EYA4: variants seen among roughly 807,000 people sequenced by gnomAD.
EYA4 encodes the protein EYA transcriptional coactivator and phosphatase 4.
EYA4 carries 31 observed loss-of-function variants against 87.9 expected under a neutral mutation model. The observed-to-expected ratio is 0.35, with a 90% CI of 0.27 to 0.48. The LOEUF (loss-of-function observed/expected upper bound fraction) is 0.48, where lower values mean the gene tolerates loss of function less well. EYA4 is among the 20% of genes least tolerant of loss of function. The pLI, the probability that EYA4 is intolerant of heterozygous loss-of-function variation, is 0.99. For synonymous variants in EYA4, 263 were observed against 270.6 expected, an observed-to-expected ratio of 0.97 and a Z score of 0.28; for missense variants, 678 against 761.4, an observed-to-expected ratio of 0.89 and a Z score of 1.29.
chr6:133,382,592 C>A (rs1221298597), intron 3 of EYA4, 151 bp downstream of exon 3: 2 of 743,714 alleles, frequency 2.7e-6, no homozygotes, highest in South Asian at 2.9e-5. Context: ...TGCTGGCTAG[C>A]GTACCACTAC....
At chr6:133,399,749 T>A (rs1456073276) in intron 3 of EYA4, among the ~76,000 whole-genome samples, 2 of 152,228 alleles carry the variant, frequency 1.3e-5, no homozygotes, top group African/African-American at 4.8e-5. Flanking sequence ...TTTTTCTCCT[T>A]CACATTACAA....
At chr6:133,264,717 G>A (rs1776071005) in intron 1 of EYA4, among the ~76,000 whole-genome samples, 1 of 152,156 alleles carries the variant, frequency 6.6e-6, no homozygotes. Flanking sequence ...GTGCAGCGTC[G>A]GTCCTCATTC....
intron 1 of EYA4, among the ~76,000 whole-genome samples, chr6:133,268,919 C>T (rs1381926474): frequency 6.6e-6 from 1 of 152,040 alleles, no homozygotes; most frequent in East Asian, 1.9e-4. Context: ...ACAAAAACAC[C>T]ACCGTAAATC....
At chr6:133,356,426 A>T (rs1259083561) in intron 2 of EYA4, among the ~76,000 whole-genome samples, 2 of 152,222 alleles carry the variant, frequency 1.3e-5, no homozygotes, top group Non-Finnish European at 2.9e-5. Context: ...ATGATGATGT[A>T]GTCATGTTAG....
At chr6:133,281,043 T>C (rs1259319693) in intron 2 of EYA4, among the ~76,000 whole-genome samples, 1 of 152,236 alleles carries the variant, frequency 6.6e-6, no homozygotes, top group East Asian at 1.9e-4. Flanking sequence ...GTAGCATGAA[T>C]CAGTACTTAG....
At position 133,446,615 on chromosome 6, in the gene EYA4, T is replaced by G; in HGVS notation, c.84-15T>G. 1 of 1,613,878 alleles carries G rather than the reference T, an allele frequency of 6.2e-7. No homozygotes were observed. Among genetic ancestry groups the G allele is most frequent in the Non-Finnish European group, 8.5e-7 (1 of 1,179,850 alleles). On this transcript the variant is annotated splice_polypyrimidine_tract_variant and intron_variant, in intron 3 of 19. Transcript: ENST00000355286. ...TGCAATTTCAACTTTTCTCTGCTGC[T>G]TACTGCTCTACCAGGTCTATGGAAA... is the stretch of plus-strand genomic sequence containing the variant.
At chr6:133,479,575 ATTTT>A (rs1170550628) in intron 11 of EYA4, among the ~76,000 whole-genome samples, 1 of 143,654 alleles carries the variant, frequency 7.0e-6, no homozygotes, top group Non-Finnish European at 1.5e-5. Flanking sequence ...GAATTGTTTT[ATTTT>A]AATTTTTAAA....
At chr6:133,359,601 C>T (rs1375677430) in intron 2 of EYA4, among the ~76,000 whole-genome samples, 1 of 152,094 alleles carries the variant, frequency 6.6e-6, no homozygotes, top group African/African-American at 2.4e-5. Context: ...TGTGAGAGCC[C>T]ATTGGATTGT....
intron 2 of EYA4, among the ~76,000 whole-genome samples, chr6:133,371,489 T>A (rs571844928): frequency 6.6e-6 from 1 of 152,210 alleles, no homozygotes; most frequent in Non-Finnish European, 1.5e-5. Context: ...CACTAAAATG[T>A]TACTTATCAA....
chr6:133,333,198 A>G (rs913923698), intron 2 of EYA4, among the ~76,000 whole-genome samples: 3 of 152,214 alleles, frequency 2.0e-5, no homozygotes, highest in East Asian at 3.9e-4. Context: ...TTGAGAAGGC[A>G]AGGATCATGC....
chr6:133,403,691 C>T (rs1367378657), intron 3 of EYA4, among the ~76,000 whole-genome samples: 1 of 152,154 alleles, frequency 6.6e-6, no homozygotes, highest in Non-Finnish European at 1.5e-5. Context: ...CTGGATAAAT[C>T]ATAGTCTTCT....
rs779778618 is a variant in EYA4, at chr6:133,347,361, A to T, written c.34-35031A>T. ...GAGGAAGGGTAATTATCCTTTTTAA[A>T]TTTTTTTTTCAAAATATATAACTGC... On this transcript the variant is annotated intron_variant, in intron 2 of 19. Coordinates refer to ENST00000355286, the MANE Select transcript of EYA4 (RefSeq NM_004100.5). Among the ~76,000 whole-genome samples the T allele has an allele frequency of 9.5e-4, 143 of 150,868 alleles. 2 individuals are homozygous for T. The highest frequency in any genetic ancestry group is 3.7e-4 in the Non-Finnish European group (25 of 67,680).
At chr6:133,473,140 G>A (rs1795422820) in intron 11 of EYA4, among the ~76,000 whole-genome samples, 1 of 152,036 alleles carries the variant, frequency 6.6e-6, no homozygotes, top group Non-Finnish European at 1.5e-5. Context: ...TTATTTGCAA[G>A]ATCCAAATTC....
At chr6:133,326,608 G>C (rs1169468367) in intron 2 of EYA4, among the ~76,000 whole-genome samples, 1 of 152,174 alleles carries the variant, frequency 6.6e-6, no homozygotes. Flanking sequence ...ATCTGGGCAA[G>C]GCTGTGTAAC....
At chr6:133,494,780 G>A (rs183113688) in intron 13 of EYA4, among the ~76,000 whole-genome samples, 8 of 151,858 alleles carry the variant, frequency 5.3e-5, no homozygotes, top group African/African-American at 1.9e-4. Context: ...TGAGCTCAGA[G>A]ATTGAGGCTG....
chr6:133,328,140 A>G (rs1020712465), intron 2 of EYA4, among the ~76,000 whole-genome samples: 3 of 152,192 alleles, frequency 2.0e-5, no homozygotes, highest in African/African-American at 7.2e-5. Context: ...TGGGAAGATT[A>G]TTTAACCTTT....
Position 133,387,696 on chromosome 6 carries a change from A to G in EYA4, c.83+5255A>G, listed in dbSNP as rs537317380. ...GGCATACTTCCCCTGAAAATGATAG[A>G]TATTCTAATAGTTAAATATTCTAAG... is the stretch of plus-strand genomic sequence containing the variant. On this transcript the variant is annotated intron_variant, in intron 3 of 19. Coordinates refer to ENST00000355286, the MANE Select transcript of EYA4 (RefSeq NM_004100.5). Among the ~76,000 whole-genome samples, 11 of 152,318 alleles carry G rather than the reference A, an allele frequency of 7.2e-5. No individual in the cohort carries two copies. In the South Asian group the frequency reaches 2.3e-3, roughly 32 times the overall value.
chr6:133,474,116 A>G (rs967425760), intron 11 of EYA4, among the ~76,000 whole-genome samples: 2 of 152,040 alleles, frequency 1.3e-5, no homozygotes, highest in Non-Finnish European at 2.9e-5. Context: ...GTGAAACCAC[A>G]GAAGTATTTA....
intron 13 of EYA4, among the ~76,000 whole-genome samples, chr6:133,496,392 A>C (rs1204801084): frequency 2.0e-5 from 3 of 152,218 alleles, no homozygotes; most frequent in African/African-American, 7.2e-5. Context: ...CTCTACACAC[A>C]TATGACCGAG....
Sources: gnomAD v4.1 joint callset for allele counts (sites outside exome capture counted in the v4.1 genomes callset) on GRCh38, gnomAD v4.1.1 for gene constraint, MANE v1.5 for transcripts, NCBI Gene and HGNC (gene_info 2026-07-23, HGNC 2026-07-21) for gene names.